The following UBASH3A variants were observed in gnomAD, a reference collection of about 807,000 sequenced individuals.
The protein encoded by UBASH3A is ubiquitin-associated and SH3 domain-containing protein A.
UBASH3A carries 63 observed loss-of-function variants against 73.5 expected under a neutral mutation model. That is an observed-to-expected ratio of 0.86 (90% CI 0.70 to 1.06). UBASH3A has a LOEUF of 1.06. UBASH3A is among the 50% of genes least tolerant of loss of function. The pLI is 0.00. For synonymous variants in UBASH3A, 363 were observed against 351.1 expected (o/e 1.03, Z -0.38); for missense variants, 860 against 859.0 (o/e 1.00, Z -0.02).
intron 11 of UBASH3A, among the ~76,000 whole-genome samples, chr21:42,439,787 CCA>C (rs2053700227): frequency 1.4e-5 from 2 of 142,078 alleles, no homozygotes; most frequent in East Asian, 4.1e-4. Flanking sequence ...ACACCACACA[CCA>C]CACACACACC....
intron 8 of UBASH3A, among the ~76,000 whole-genome samples, chr21:42,431,259 A>G (rs1054350554): frequency 6.6e-6 from 1 of 152,170 alleles, no homozygotes; most frequent in African/African-American, 2.4e-5. Flanking sequence ...ACCATCCCAC[A>G]CAGTGGAGGC....
chr21:42,426,575 TG>T, intron 7 of UBASH3A, 121 bp from the exon 8 acceptor site: 1 of 1,163,148 alleles, frequency 8.6e-7, no homozygotes, highest in Non-Finnish European at 1.2e-6. Context: ...TTTGTGCTCA[TG>T]GGAACCTTTC....
chr21:42,436,506 G>T (rs1052891485), intron 10 of UBASH3A, among the ~76,000 whole-genome samples: 1 of 152,178 alleles, frequency 6.6e-6, no homozygotes, highest in Admixed American at 6.5e-5. Context: ...TTTTAGAAGG[G>T]CACTGTCACA....
intron 10 of UBASH3A, 71 bp downstream of exon 10, chr21:42,435,025 A>C: frequency 6.4e-7 from 1 of 1,569,718 alleles, no homozygotes; most frequent in Admixed American, 1.7e-5. Flanking sequence ...GCAGGCATCC[A>C]GCCTGAGCCC....
In UBASH3A at chr21:42,413,620, T is replaced by G; in HGVS notation, c.667+97T>G. On this transcript the variant is annotated intron_variant, in intron 5 of 14. Transcript: ENST00000319294. This position sits in a 1 kb window ranked among gnomAD's most constrained non-coding sequence, Gnocchi z 4.5. ...GTGGTTTTTAAAATGCTTAGCTATATGCCAACAGCCTGGGAAAGTGCCCCA... is the reference window on the plus strand; with the variant it reads ...GTGGTTTTTAAAATGCTTAGCTATAGGCCAACAGCCTGGGAAAGTGCCCCA... The G allele has an allele frequency of 1.1e-6, 1 of 908,448 alleles. No homozygotes were observed. Among genetic ancestry groups the G allele is most frequent in the Non-Finnish European group, 1.7e-6 (1 of 598,756 alleles). 56.3% of individuals were successfully genotyped at this position (908,448 alleles called of 1,614,324 possible).
rs181726068 is a variant in UBASH3A at position 42,426,005 on chromosome 21, G to A, written c.1047-692G>A. 1.3e-3 allele frequency among the ~76,000 whole-genome samples: 203 copies of A among 152,268 alleles called. 1 individual carries two copies. The highest frequency in any genetic ancestry group is 4.3e-3 in the African/African-American group (177 of 41,546). On this transcript the variant is annotated intron_variant, in intron 7 of 14. Coordinates refer to ENST00000319294, the MANE Select transcript of UBASH3A (RefSeq NM_018961.4). The stretch of plus-strand genomic sequence containing the variant: ...AGAGTGACCGAGAGAGAAAGAGAGA[G>A]AGAGATCTAGTTGAAGGAATTGGTT...
intron 3 of UBASH3A, among the ~76,000 whole-genome samples, chr21:42,410,933 A>T (rs1207694287): frequency 1.3e-5 from 2 of 151,742 alleles, no homozygotes; most frequent in South Asian, 4.2e-4. Flanking sequence ...ACACACACAG[A>T]TAGACACAGA....
rs2053142636 is a variant in UBASH3A, at chr21:42,413,470, G to A, written c.614G>A (p.Arg205Lys). The stretch of plus-strand genomic sequence containing the variant: ...GTGCCTGGACATGGCCCTAACCTGA[G>A]GCTGAGCAATTTAACTAGAGCCTCC... ...SQVPGHGPNLRLSNLTRASFV... is the reference protein window; with the variant it reads ...SQVPGHGPNLKLSNLTRASFV... The change falls in exon 5 of 15, where the codon AGG becomes AAG. Residue 205 changes from arginine (R) to lysine (K), a missense_variant. Coordinates refer to ENST00000319294, the MANE Select transcript of UBASH3A (RefSeq NM_018961.4). This position sits in a 1 kb window ranked among gnomAD's most constrained non-coding sequence, Gnocchi z 4.5. 6.8e-6 allele frequency: 11 copies of A among 1,614,192 alleles called. No individual in the cohort carries two copies. Among genetic ancestry groups the A allele is most frequent in the Non-Finnish European group, 9.3e-6 (11 of 1,180,032 alleles).
Position 42,413,654 on chromosome 21 carries a change from T to C in UBASH3A, c.667+131T>C. On this transcript the variant is annotated intron_variant, in intron 5 of 14. Coordinates refer to ENST00000319294, the MANE Select transcript of UBASH3A (RefSeq NM_018961.4). This position sits in a 1 kb window ranked among gnomAD's most constrained non-coding sequence, Gnocchi z 4.5. Reference sequence around the variant, plus strand: ...CCTGGGAAAGTGCCCCAGAAGGGTGTGCCAAGCATCAAGCCTGAGTGGGTG... The same window carrying C: ...CCTGGGAAAGTGCCCCAGAAGGGTGCGCCAAGCATCAAGCCTGAGTGGGTG... The C allele has an allele frequency of 2.9e-6, 2 of 701,658 alleles. No homozygotes were observed. The highest frequency in any genetic ancestry group is 4.7e-6 in the Non-Finnish European group (2 of 427,336). The allele number at this position is 701,658 out of a possible 1,614,324, so 43.5% of individuals were successfully genotyped here. A position where few individuals can be genotyped will look rare whatever the true frequency, so the allele number is the denominator to read the frequency against.
In UBASH3A at chr21:42,444,593, C is replaced by T; in HGVS notation, c.1798C>T (p.Leu600Phe). The change falls in exon 14 of 15, where the codon CTC (leucine) becomes TTC (phenylalanine). Residue 600 changes from leucine (L) to phenylalanine (F), a missense_variant. Leu to Phe is a conservative substitution (Grantham distance 22). Transcript: ENST00000319294. Reference protein sequence around the residue: ...STLDSCTRPLLGLPPRECGDF... With the variant: ...STLDSCTRPLFGLPPRECGDF... ...TCTGGACTCCTGCACGCGGCCACTG[C>T]TCGGGCTGCCGCCCCGGGAATGTGG... 1 of 1,614,246 alleles carries T rather than the reference C, an allele frequency of 6.2e-7. No individual in the cohort carries two copies.
intron 6 of UBASH3A, among the ~76,000 whole-genome samples, chr21:42,417,870 C>CTT (rs1296936051): frequency 1.7e-5 from 2 of 119,514 alleles, no homozygotes; most frequent in African/African-American, 6.3e-5. Context: ...TTTTTTTTTT[C>CTT]TTTTTTTCTT....
Position 42,409,625 on chromosome 21 carries a change from T to C in UBASH3A, c.354+17T>C. On this transcript the variant is annotated intron_variant, in intron 3 of 14. Transcript: ENST00000319294. ...TTCTTCACGGTGAGTCAACCCAGTGTGCCTTCAATGCTCACGGCAGCTGGA... is the reference window on the plus strand; with the variant it reads ...TTCTTCACGGTGAGTCAACCCAGTGCGCCTTCAATGCTCACGGCAGCTGGA... The C allele has an allele frequency of 6.3e-7, 1 of 1,598,148 alleles. No individual in the cohort carries two copies. Among genetic ancestry groups the C allele is most frequent in the Non-Finnish European group, 8.5e-7 (1 of 1,172,040 alleles).
intron 7 of UBASH3A, among the ~76,000 whole-genome samples, chr21:42,424,329 C>T (rs759235960): frequency 2.0e-5 from 3 of 152,218 alleles, no homozygotes; most frequent in Non-Finnish European, 4.4e-5. Context: ...TCAATTAACA[C>T]ACCAGTCACC....
At chr21:42,430,090 C>T (rs370282261) in intron 8 of UBASH3A, among the ~76,000 whole-genome samples, 44 of 152,194 alleles carry the variant, frequency 2.9e-4, no homozygotes, top group African/African-American at 1.0e-3. Flanking sequence ...CCCGAGAATG[C>T]TTTCAAGGCA....
intron 10 of UBASH3A, chr21:42,435,645 G>C (rs1457709908): frequency 6.6e-6 from 1 of 152,212 alleles, no homozygotes; most frequent in Non-Finnish European, 1.5e-5. Flanking sequence ...TAGAGTTATA[G>C]AGTCATAGAG....
chr21:42,424,347 A>C (rs1436209736), intron 7 of UBASH3A, among the ~76,000 whole-genome samples: 1 of 152,158 alleles, frequency 6.6e-6, no homozygotes, highest in African/African-American at 2.4e-5. Context: ...ACCCATCACC[A>C]CTATAATGAC....
chr21:42,406,245 C>T (rs1347461718), intron 1 of UBASH3A, 63 bp from the exon 2 acceptor site: 5 of 1,392,062 alleles, frequency 3.6e-6, no homozygotes, highest in Non-Finnish European at 5.1e-6. Flanking sequence ...CACACCCTGC[C>T]TCTCTGACCC....
chr21:42,429,198 T>C (rs1379568933), intron 8 of UBASH3A, among the ~76,000 whole-genome samples: 1 of 152,182 alleles, frequency 6.6e-6, no homozygotes, highest in Non-Finnish European at 1.5e-5. Flanking sequence ...AATTCTCCCC[T>C]AGAATGTCAG....
In UBASH3A at chr21:42,432,418, C is replaced by T. The variant is rs60017575; in HGVS notation, c.1270+216C>T. 9.2e-3 allele frequency among the ~76,000 whole-genome samples: 1,243 copies of T among 134,516 alleles called. 24 individuals are homozygous for T. The highest frequency in any genetic ancestry group is 0.036 in the African/African-American group (1,134 of 31,320). 88.2% of individuals were successfully genotyped at this position (134,516 alleles called of 152,430 possible). ...AGTGTCTGTGTTGGAACCTCTCCAACCTAATCTTAACTGATGTAATTTTTG... is the reference window on the plus strand; with the variant it reads ...AGTGTCTGTGTTGGAACCTCTCCAATCTAATCTTAACTGATGTAATTTTTG... On this transcript the variant is annotated intron_variant, in intron 9 of 14. Coordinates refer to ENST00000319294, the MANE Select transcript of UBASH3A (RefSeq NM_018961.4).
Sources: gnomAD v4.1 joint callset for allele counts (sites outside exome capture counted in the v4.1 genomes callset) on GRCh38, gnomAD v4.1.1 for gene constraint, Gnocchi (gnomAD v3.1) non-coding constraint, MANE v1.5 for transcripts, NCBI Gene and HGNC (gene_info 2026-07-23, HGNC 2026-07-21) for gene names.